VPS13A: variants seen among roughly 807,000 people sequenced by gnomAD.
The protein encoded by VPS13A is intermembrane lipid transfer protein VPS13A.
Under a neutral mutation model 390.9 loss-of-function variants are expected in VPS13A, and 264 were observed. The ratio of observed to expected loss-of-function variants is 0.68; its 90% CI spans 0.61 to 0.75. The LOEUF (loss-of-function observed/expected upper bound fraction) is 0.75. Ranked by LOEUF, VPS13A falls within the 30% of genes least tolerant of loss-of-function variation. The pLI, the probability that VPS13A is intolerant of heterozygous loss-of-function variation, is 0.00. For missense variants in VPS13A, 3,409 were observed against 3,733.9 expected (o/e 0.91, Z 2.27); for synonymous variants, 1,231 against 1,227.1 (o/e 1.00, Z -0.07).
chr9:77,276,208 C>T lies in VPS13A; in HGVS notation c.2811C>T (p.Cys937=), dbSNP rs370173107. ...NAFLKEFCLK[C]PEYLDENKKP... is the part of the protein sequence containing the mutation. ...TTTTGAAAGAGTTCTGCTTAAAATG[C>T]CCAGAATACTTGGGTAAGAATCTCT... Residue 937 remains cysteine (C), a synonymous_variant, in exon 26 of 72, where the codon TGC becomes TGT. Transcript: ENST00000360280. The T allele has an allele frequency of 6.2e-7, 1 of 1,606,146 alleles. No individual in the cohort carries two copies. The highest frequency in any genetic ancestry group is 1.3e-5 in the African/African-American group (1 of 74,884).
rs1830720192 is a variant in VPS13A at position 77,339,809 on chromosome 9, G to A, written c.6672G>A (p.Met2224Ile). Residue 2224 changes from methionine (M) to isoleucine (I), a missense_variant, in exon 48 of 72, where the codon ATG becomes ATA. Met to Ile is a conservative substitution (Grantham distance 10). This residue lies in a region of VPS13A where 2,717 missense variants were observed against 2,917.4 expected (regional missense o/e 0.93). Coordinates refer to ENST00000360280, the MANE Select transcript of VPS13A (RefSeq NM_033305.3). Reference sequence around the variant, plus strand: ...GGATGGTCAATAAAACTGGCCGCATGTTACAGTACAAAGCAGACGGAATTC... The same window carrying A: ...GGATGGTCAATAAAACTGGCCGCATATTACAGTACAAAGCAGACGGAATTC... ...PYWMVNKTGR[M>I]LQYKADGIHR... The A allele has an allele frequency of 3.1e-6, 5 of 1,614,062 alleles. No homozygotes were observed. Among genetic ancestry groups the A allele is most frequent in the Non-Finnish European group, 4.2e-6 (5 of 1,179,958 alleles).
intron 46 of VPS13A, among the ~76,000 whole-genome samples, chr9:77,335,790 TGTG>T (rs1230445034): frequency 2.6e-5 from 4 of 152,334 alleles, no homozygotes; most frequent in East Asian, 1.9e-4. Context: ...TGGAAGACAA[TGTG>T]GTGATTCCTC....
chr9:77,193,582 C>T lies in VPS13A; in HGVS notation c.101-6363C>T, dbSNP rs144923615. Among the ~76,000 whole-genome samples the T allele has an allele frequency of 4.4e-3, 665 of 152,114 alleles. 3 individuals are homozygous for T. The highest frequency in any genetic ancestry group is 0.015 in the African/African-American group (624 of 41,500). On this transcript the variant is annotated intron_variant, in intron 1 of 71. Transcript: ENST00000360280. ...CCGGAAGGTGGAGGTTGCAGTGAGC[C>T]GAGATCATGCCACTGCACTCCAGCC...
At position 77,416,091 on chromosome 9, in the gene VPS13A, C is replaced by G. The variant is rs1835160307; in HGVS notation, c.*85C>G. Reference sequence around the variant, plus strand: ...CAAAACCTGTTTGGGAAGCATATTACAGAAATGATTTCAAGTACCCTGTAT... The same window carrying G: ...CAAAACCTGTTTGGGAAGCATATTAGAGAAATGATTTCAAGTACCCTGTAT... On this transcript the variant is annotated 3_prime_UTR_variant, in exon 72 of 72. Transcript: ENST00000360280. 8.0e-6 allele frequency: 12 copies of G among 1,493,394 alleles called. 1 individual carries two copies. The South Asian group carries it at 1.2e-4, about 16-fold the overall frequency. The allele number at this position is 1,493,394 out of a possible 1,614,324, so 92.5% of individuals were successfully genotyped here.
chr9:77,289,784 CTT>C (rs558593582), intron 31 of VPS13A, among the ~76,000 whole-genome samples: 10 of 141,582 alleles, frequency 7.1e-5, no homozygotes, highest in Admixed American at 2.1e-4. Flanking sequence ...TTTCTCATTT[CTT>C]TTTTTTTTTT....
intron 67 of VPS13A, among the ~76,000 whole-genome samples, chr9:77,381,633 G>A (rs1335566708): frequency 6.6e-6 from 1 of 151,904 alleles, no homozygotes; most frequent in Non-Finnish European, 1.5e-5. Flanking sequence ...AAAACTCTTA[G>A]AAGCTTTCCG....
intron 41 of VPS13A, 69 bp downstream of exon 41, chr9:77,318,660 A>G (rs1197179376): frequency 6.2e-6 from 8 of 1,286,498 alleles, no homozygotes; most frequent in Non-Finnish European, 9.0e-6. Context: ...ATAATGATAC[A>G]TATGGAATAT....
intron 17 of VPS13A, among the ~76,000 whole-genome samples, chr9:77,235,630 A>G (rs1824099818): frequency 6.6e-6 from 1 of 152,030 alleles, no homozygotes; most frequent in African/African-American, 2.4e-5. Flanking sequence ...AGTATTTTTA[A>G]TGTCTTTTTC....
At position 77,358,419 on chromosome 9, in the gene VPS13A, G is replaced by C. The variant is rs77984203; in HGVS notation, c.8016G>C (p.Lys2672Asn). The C allele has an allele frequency of 1.8e-4, 298 of 1,613,414 alleles. 2 individuals are homozygous for C. The African/African-American group carries it at 3.5e-3, about 19-fold the overall frequency. The stretch of plus-strand genomic sequence containing the variant: ...TGTTTTATCCTGTTAAACCTCCAAA[G>C]TCGGTCACCATGGATTCAGGTTTGT... ...PFVFYPVKPPKSVTMDSAPKP... is the reference protein window; with the variant it reads ...PFVFYPVKPPNSVTMDSAPKP... Residue 2672 changes from lysine to asparagine, a missense_variant, in exon 57 of 72, where the codon AAG becomes AAC. Lys to Asn is a moderately conservative substitution (Grantham distance 94). Coordinates refer to ENST00000360280, the MANE Select transcript of VPS13A (RefSeq NM_033305.3).
chr9:77,337,276 A>G lies in VPS13A; in HGVS notation c.6117A>G (p.Pro2039=). 1 of 1,612,478 alleles carries G rather than the reference A, an allele frequency of 6.2e-7. No individual in the cohort carries two copies. Among genetic ancestry groups the G allele is most frequent in the South Asian group, 1.1e-5 (1 of 90,956 alleles). ...GSYRSFIFLK[P]EDENYQMCEG... is the part of the protein sequence containing the mutation. The stretch of plus-strand genomic sequence containing the variant: ...GCAGATCATTCATTTTTCTGAAGCC[A>G]GAAGATGAGAACTATCAAATGTGTG... Residue 2039 remains proline, a synonymous_variant, in exon 47 of 72, where the codon CCA becomes CCG. Coordinates refer to ENST00000360280, the MANE Select transcript of VPS13A (RefSeq NM_033305.3).
intron 45 of VPS13A, among the ~76,000 whole-genome samples, chr9:77,329,935 A>G (rs564519425): frequency 6.6e-6 from 1 of 152,186 alleles, no homozygotes; most frequent in Non-Finnish European, 1.5e-5. Context: ...CTGCTATCAT[A>G]TTGCTGTTGT....
intron 21 of VPS13A, among the ~76,000 whole-genome samples, chr9:77,251,301 A>G (rs1240623757): frequency 6.6e-6 from 1 of 152,172 alleles, no homozygotes; most frequent in Non-Finnish European, 1.5e-5. Flanking sequence ...TAGAATTATT[A>G]TGTTCAAATG....
chr9:77,237,938 T>C, intron 17 of VPS13A, 64 bp from the exon 18 acceptor site: 2 of 1,293,732 alleles, frequency 1.5e-6, no homozygotes, highest in East Asian at 2.3e-5. Context: ...TAAATCATTT[T>C]CAATTTTTAA....
chr9:77,264,732 T>C (rs147010832), intron 23 of VPS13A, among the ~76,000 whole-genome samples: 192 of 152,306 alleles, frequency 1.3e-3, no homozygotes, highest in African/African-American at 4.4e-3. Context: ...TACAGTCATG[T>C]CATCTGCAAA....
intron 51 of VPS13A, 151 bp from the exon 52 acceptor site, chr9:77,344,858 T>A: frequency 1.3e-6 from 1 of 782,790 alleles, no homozygotes; most frequent in Non-Finnish European, 2.1e-6. Context: ...GATTATAGAT[T>A]TCCAGAAATG....
chr9:77,348,797 A>G (rs1051824887), intron 52 of VPS13A, among the ~76,000 whole-genome samples: 9 of 152,160 alleles, frequency 5.9e-5, no homozygotes, highest in Admixed American at 3.9e-4. Context: ...TCTGAGGACT[A>G]TGGTTAGTTT....
At chr9:77,192,403 T>C (rs935246915) in intron 1 of VPS13A, among the ~76,000 whole-genome samples, 2 of 152,200 alleles carry the variant, frequency 1.3e-5, no homozygotes, top group African/African-American at 4.8e-5. Context: ...CTGGTTGGTA[T>C]GCAGACTTGA....
In VPS13A at chr9:77,365,443, T is replaced by C. The variant is rs1051642899; in HGVS notation, c.8212-17T>C. 6.5e-7 allele frequency: 1 copy of C among 1,537,110 alleles called. No individual in the cohort carries two copies. Among genetic ancestry groups the C allele is most frequent in the Non-Finnish European group, 9.0e-7 (1 of 1,111,150 alleles). On this transcript the variant is annotated splice_polypyrimidine_tract_variant and intron_variant, in intron 59 of 71. Transcript: ENST00000360280. The stretch of plus-strand genomic sequence containing the variant: ...GGTAGGTCCCTTTAGTTTTAATATT[T>C]TGTGTTCCTTTTATAGGTTGAGCTT...
chr9:77,414,096 C>T (rs1835063662), intron 71 of VPS13A, among the ~76,000 whole-genome samples: 1 of 152,146 alleles, frequency 6.6e-6, no homozygotes, highest in Non-Finnish European at 1.5e-5. Context: ...ACAACAGGTG[C>T]TGGAGAGGAT....
Sources: allele counts gnomAD v4.1 joint callset (sites outside exome capture counted in the v4.1 genomes callset), GRCh38; gene constraint gnomAD v4.1.1; regional missense constraint gnomAD v4.1.1; transcripts MANE v1.5; gene names NCBI Gene and HGNC (gene_info 2026-07-23, HGNC 2026-07-21).